The following BTBD7 variants were observed in gnomAD, a reference collection of about 807,000 sequenced individuals.
BTBD7 encodes the protein BTB domain containing 7, also known as BTB/POZ domain-containing protein 7.
BTBD7 carries 38 observed loss-of-function variants against 99.9 expected under a neutral mutation model. The ratio of observed to expected loss-of-function variants is 0.38; its 90% confidence interval spans 0.29 to 0.50. The LOEUF (loss-of-function observed/expected upper bound fraction) is 0.50, where lower values mean the gene tolerates loss of function less well. BTBD7 is among the 20% of genes least tolerant of loss of function. The pLI, the probability that BTBD7 is intolerant of heterozygous loss-of-function variation, is 0.93. For missense variants in BTBD7, 1,170 were observed against 1,394.6 expected (o/e 0.84, Z 2.57); for synonymous variants, 520 against 511.4 (o/e 1.02, Z -0.23).
At chr14:93,258,831 C>T (rs931890694) in intron 5 of BTBD7, among the ~76,000 whole-genome samples, 2 of 152,136 alleles carry the variant, frequency 1.3e-5, no homozygotes, top group Admixed American at 6.5e-5. Flanking sequence ...GTGATCCACT[C>T]ACCTTGGCCT....
chr14:93,253,701 AT>A lies in BTBD7; in HGVS notation c.1697del (p.Asn566MetfsTer22). 1 of 1,613,160 alleles carries A rather than the reference AT, an allele frequency of 6.2e-7. No homozygotes were observed. Among genetic ancestry groups the A allele is most frequent in the Non-Finnish European group, 8.5e-7 (1 of 1,179,494 alleles). On this transcript the variant is annotated frameshift_variant, in exon 7 of 11. Transcript: ENST00000334746. LOFTEE classifies it high-confidence loss of function. ...GTCGAGGACGAACATAGATGCCAGCATTTTTTTGCCGTAACCAGGCATTTGA... is the reference window on the plus strand; with the variant it reads ...GTCGAGGACGAACATAGATGCCAGCATTTTTTGCCGTAACCAGGCATTTGA... The part of the protein sequence containing the change: ...GKSNAWLRQK[N>X]AGIYVRPRLF...
intron 3 of BTBD7, among the ~76,000 whole-genome samples, chr14:93,276,278 A>G (rs1046958496): frequency 1.3e-5 from 2 of 152,170 alleles, no homozygotes; most frequent in African/African-American, 2.4e-5. Context: ...TACTAATACT[A>G]TATTTCCAAT....
rs769152246 is a variant in BTBD7, at chr14:93,296,082, G to T, written c.-31C>A. 1.9e-6 allele frequency: 3 copies of T among 1,609,622 alleles called. No homozygotes were observed. Among genetic ancestry groups the T allele is most frequent in the Non-Finnish European group, 1.7e-6 (2 of 1,178,064 alleles). Reference sequence around the variant, plus strand: ...TCAGTCACTCAGGCATTCCGTCTGCGGGTTCTTCAGAGTATAATCCCAGAG... The same window carrying T: ...TCAGTCACTCAGGCATTCCGTCTGCTGGTTCTTCAGAGTATAATCCCAGAG... On this transcript the variant is annotated 5_prime_UTR_variant, in exon 2 of 11. Coordinates refer to ENST00000334746, the MANE Select transcript of BTBD7 (RefSeq NM_001002860.4).
intron 3 of BTBD7, among the ~76,000 whole-genome samples, chr14:93,281,900 A>T (rs926111266): frequency 6.6e-6 from 1 of 152,182 alleles, no homozygotes; most frequent in African/African-American, 2.4e-5. Context: ...TTTACCAGAG[A>T]GTTATTATAG....
Position 93,257,251 on chromosome 14 carries a change from G to T in BTBD7, c.1552C>A (p.Pro518Thr), listed in dbSNP as rs751702800. The T allele has an allele frequency of 9.3e-6, 15 of 1,614,112 alleles. No individual in the cohort carries two copies. The highest frequency in any genetic ancestry group is 1.3e-5 in the Non-Finnish European group (15 of 1,179,996). Residue 518 changes from proline (P) to threonine (T), a missense_variant, in exon 6 of 11, where the codon CCT (proline) becomes ACT (threonine). Coordinates refer to ENST00000334746, the MANE Select transcript of BTBD7 (RefSeq NM_001002860.4). ...ELREILSSLL[P>T]FVRIEHILPI... ...AAGATGTGTTCAATTCGCACAAAAG[G>T]TAAGAGAGAAGAAAGGATCTCTCTG...
intron 1 of BTBD7, among the ~76,000 whole-genome samples, chr14:93,304,461 C>T (rs1286134060): frequency 2.0e-5 from 3 of 152,220 alleles, no homozygotes; most frequent in African/African-American, 7.2e-5. Context: ...GAGCGATTCT[C>T]CTGCCTCAGC....
intron 1 of BTBD7, among the ~76,000 whole-genome samples, chr14:93,299,438 A>G (rs1395564252): frequency 6.6e-6 from 1 of 152,182 alleles, no homozygotes; most frequent in Non-Finnish European, 1.5e-5. Context: ...CAGACATCCA[A>G]TCTTTGTATG....
At chr14:93,260,567 T>A (rs899148622) in intron 5 of BTBD7, among the ~76,000 whole-genome samples, 7 of 152,164 alleles carry the variant, frequency 4.6e-5, no homozygotes, top group African/African-American at 1.7e-4. Context: ...TTTTTTTTTT[T>A]TTGAGACGAA....
chr14:93,296,705 T>C (rs2052931387), intron 1 of BTBD7, among the ~76,000 whole-genome samples: 1 of 152,174 alleles, frequency 6.6e-6, no homozygotes, highest in Non-Finnish European at 1.5e-5. Context: ...AAGCTAAATA[T>C]ATATAAGCTA....
intron 1 of BTBD7, among the ~76,000 whole-genome samples, chr14:93,331,562 C>T (rs2053410303): frequency 6.6e-6 from 1 of 152,302 alleles, no homozygotes; most frequent in South Asian, 2.1e-4. Flanking sequence ...CTAAAGGAAA[C>T]AGATGCTATT....
chr14:93,325,612 T>A (rs776821467), intron 1 of BTBD7, among the ~76,000 whole-genome samples: 4 of 152,154 alleles, frequency 2.6e-5, no homozygotes, highest in Non-Finnish European at 4.4e-5. Context: ...TAGAAAAGCT[T>A]CAAGATTTCC....
At chr14:93,310,900 AAAGC>A (rs1345258920) in intron 1 of BTBD7, among the ~76,000 whole-genome samples, 1 of 151,198 alleles carries the variant, frequency 6.6e-6, no homozygotes, top group Non-Finnish European at 1.5e-5. Context: ...ATCACCAACT[AAAGC>A]AATCCATTAA....
At chr14:93,272,530 A>T (rs740789) in intron 3 of BTBD7, among the ~76,000 whole-genome samples, 60,429 of 151,976 alleles carry the variant, frequency 0.4, 13,404 homozygotes, top group African/African-American at 0.61. Context: ...ATACCACCTT[A>T]GTTCAAATCC....
chr14:93,320,148 AG>A (rs1211846921), intron 1 of BTBD7, among the ~76,000 whole-genome samples: 5 of 152,216 alleles, frequency 3.3e-5, no homozygotes, highest in African/African-American at 7.2e-5. Context: ...GCAGAGAGGC[AG>A]GAAGTCTGAA....
At chr14:93,299,589 G>C (rs2052968628) in intron 1 of BTBD7, among the ~76,000 whole-genome samples, 1 of 137,296 alleles carries the variant, frequency 7.3e-6, no homozygotes, top group East Asian at 2.4e-4. Context: ...AATAGCATAT[G>C]ATCAATCCCA....
intron 3 of BTBD7, among the ~76,000 whole-genome samples, chr14:93,264,439 C>T (rs1202013754): frequency 1.3e-5 from 2 of 152,200 alleles, no homozygotes; most frequent in Non-Finnish European, 2.9e-5. Context: ...CAGACATCCA[C>T]TCTTTGTATG....
At chr14:93,331,187 C>T (rs1342528072) in intron 1 of BTBD7, among the ~76,000 whole-genome samples, 1 of 152,024 alleles carries the variant, frequency 6.6e-6, no homozygotes, top group Non-Finnish European at 1.5e-5. Context: ...AACTTTATTA[C>T]ACCAAAACCC....
chr14:93,251,057 C>A (rs1237303363), intron 8 of BTBD7, among the ~76,000 whole-genome samples: 2 of 152,184 alleles, frequency 1.3e-5, no homozygotes, highest in African/African-American at 4.8e-5. Flanking sequence ...GCACAACTGG[C>A]AATGTCTAGA....
intron 1 of BTBD7, among the ~76,000 whole-genome samples, chr14:93,319,166 C>T (rs1358275763): frequency 6.6e-6 from 1 of 152,220 alleles, no homozygotes; most frequent in African/African-American, 2.4e-5. Flanking sequence ...TGAGCCATGA[C>T]TGCACCACTG....
Sources: gnomAD v4.1 joint callset for allele counts (sites outside exome capture counted in the v4.1 genomes callset) on GRCh38, gnomAD v4.1.1 for gene constraint, MANE v1.5 for transcripts, NCBI Gene and HGNC (gene_info 2026-07-23, HGNC 2026-07-21) for gene names.